Variants in EXTL3 observed in about 807,000 individuals in gnomAD.
EXTL3 encodes the protein exostosin-like 3.
In EXTL3, 27 loss-of-function variants were observed where a neutral mutation model predicts 69.3. The observed-to-expected ratio is 0.39, with a 90% CI of 0.29 to 0.54. The LOEUF is 0.54. Among genes scored for constraint, EXTL3 ranks in the 20% least tolerant of loss-of-function variants. The pLI, the probability that EXTL3 is intolerant of heterozygous loss-of-function variation, is 0.69. For synonymous variants in EXTL3, 511 were observed against 499.4 expected, an observed-to-expected ratio of 1.02 and a Z score of -0.31; for missense variants, 1,003 against 1,231.8, an observed-to-expected ratio of 0.81 and a Z score of 2.78.
At chr8:28,609,920 C>G (rs1388102800) in intron 2 of EXTL3, among the ~76,000 whole-genome samples, 1 of 145,032 alleles carries the variant, frequency 6.9e-6, no homozygotes, top group South Asian at 2.1e-4. Context: ...AAAAAAAAAG[C>G]CAGATGCAGT....
At chr8:28,700,259 G>C (rs1048035543), upstream of EXTL3, 2 of 152,324 alleles carry the variant, frequency 1.3e-5, no homozygotes, top group Non-Finnish European at 2.9e-5. Context: ...AAGTGAATAG[G>C]AGACGGGAGA....
At chr8:28,684,249 C>T (rs972395614) in intron 1 of EXTL3, among the ~76,000 whole-genome samples, 1 of 152,158 alleles carries the variant, frequency 6.6e-6, no homozygotes, top group African/African-American at 2.4e-5. Context: ...GGGAGTGCAG[C>T]TACCTTTTTG....
chr8:28,698,671 A>C (rs240939), upstream of EXTL3, among the ~76,000 whole-genome samples: 43,253 of 152,008 alleles, frequency 0.28, 6,154 homozygotes, highest in Middle Eastern at 0.33. Flanking sequence ...AACATGGTTG[A>C]AACCCCGTCT....
chr8:28,748,955 G>C (rs1801947368), intron 6 of EXTL3, among the ~76,000 whole-genome samples: 1 of 152,050 alleles, frequency 6.6e-6, no homozygotes, highest in Admixed American at 6.5e-5. Context: ...AAACAAAAAA[G>C]AAAACTAGAC....
At chr8:28,701,427 G>GCGCGCCCGCGTC (rs1554482038), upstream of EXTL3, 9 of 151,830 alleles carry the variant, frequency 5.9e-5, no homozygotes, top group Non-Finnish European at 1.2e-4. Flanking sequence ...AGTGGCGAGC[G>GCGCGCCCGCGTC]CGCGCCCGCG....
chr8:28,609,260 T>G (rs1336849974), intron 2 of EXTL3, among the ~76,000 whole-genome samples: 4 of 152,040 alleles, frequency 2.6e-5, no homozygotes, highest in African/African-American at 9.7e-5. Flanking sequence ...TGGATTTTTT[T>G]CTAAGTGCTG....
At position 28,736,609 on chromosome 8, in the gene EXTL3, C is replaced by G. The variant is rs374341150; in HGVS notation, c.2277-910C>G. Among the ~76,000 whole-genome samples the G allele has an allele frequency of 5.8e-4, 89 of 152,344 alleles. No individual in the cohort carries two copies. In the East Asian group the frequency reaches 0.012, roughly 20 times the overall value. On this transcript the variant is annotated intron_variant, in intron 4 of 6. Transcript: ENST00000220562. ...CTTCTCATCATACATGTTTCTCCGT[C>G]AGCCCTGCTCAAATTTGGAATTAGG... is the stretch of plus-strand genomic sequence containing the variant.
upstream of EXTL3, chr8:28,700,312 T>A (rs1029451686): frequency 6.6e-6 from 1 of 152,226 alleles, no homozygotes; most frequent in Non-Finnish European, 1.5e-5. Context: ...GAGTCGGGAC[T>A]AGTTTGGGGG....
intron 2 of EXTL3, among the ~76,000 whole-genome samples, chr8:28,614,510 G>A (rs1806308650): frequency 6.6e-6 from 1 of 151,976 alleles, no homozygotes; most frequent in South Asian, 2.1e-4. Flanking sequence ...TTGGGCTCAA[G>A]CGATCCACCC....
intron 1 of EXTL3, chr8:28,710,636 A>G: frequency 2.9e-6 from 1 of 343,950 alleles, no homozygotes; most frequent in South Asian, 2.2e-5. Flanking sequence ...TTTTTGAGGC[A>G]AGGTCTTGCT....
At chr8:28,625,599 A>G (rs1428480547) in intron 1 of EXTL3, among the ~76,000 whole-genome samples, 2 of 152,204 alleles carry the variant, frequency 1.3e-5, no homozygotes, top group East Asian at 3.8e-4. Context: ...ATTCCTATTC[A>G]TGTATTTGTT....
chr8:28,667,718 G>T (rs1190969195), intron 1 of EXTL3, among the ~76,000 whole-genome samples: 3 of 141,648 alleles, frequency 2.1e-5, no homozygotes, highest in Non-Finnish European at 4.6e-5. Context: ...CCCTTGGTGT[G>T]GGGGGAGGGG....
chr8:28,673,793 G>A (rs1807337222), intron 1 of EXTL3, among the ~76,000 whole-genome samples: 1 of 152,088 alleles, frequency 6.6e-6, no homozygotes, highest in African/African-American at 2.4e-5. Flanking sequence ...TTCTTGTTCT[G>A]TTTCTCTGGA....
chr8:28,707,032 T>C (rs886539402), intron 1 of EXTL3, among the ~76,000 whole-genome samples: 30 of 152,354 alleles, frequency 2.0e-4, no homozygotes, highest in African/African-American at 5.8e-4. Context: ...CTGGAACTTA[T>C]TTTTGGATTT....
rs1467628189 is a variant in EXTL3 at position 28,710,731 on chromosome 8, G to A, written c.-569-2726G>A. 8.1e-5 allele frequency among the ~76,000 whole-genome samples: 11 copies of A among 135,158 alleles called. No individual in the cohort carries two copies. The East Asian group carries it at 2.4e-3, about 30-fold the overall frequency. The allele number at this position is 135,158 out of a possible 152,430, so 88.7% of individuals were successfully genotyped here. On this transcript the variant is annotated intron_variant, in intron 1 of 6. Coordinates refer to ENST00000220562, the MANE Select transcript of EXTL3 (RefSeq NM_001440.4). ...GGCTAATTTAAATTTTTTTTTTTTT[G>A]GTAGAGATGGGGTCTCACTGTGTTG...
chr8:28,650,635 G>A (rs938900297), intron 1 of EXTL3, among the ~76,000 whole-genome samples: 1 of 152,072 alleles, frequency 6.6e-6, no homozygotes, highest in Non-Finnish European at 1.5e-5. Flanking sequence ...GGGATTACAG[G>A]CATGAGCCAC....
chr8:28,611,023 G>A (rs1328170944), intron 2 of EXTL3, among the ~76,000 whole-genome samples: 1 of 152,152 alleles, frequency 6.6e-6, no homozygotes, highest in Non-Finnish European at 1.5e-5. Flanking sequence ...GATTACAGGC[G>A]TCAGCCACTG....
Position 28,751,122 on chromosome 8 carries a change from G to T in EXTL3, c.*256G>T. 1 of 532,392 alleles carries T rather than the reference G, an allele frequency of 1.9e-6. No homozygotes were observed. Among genetic ancestry groups the T allele is most frequent in the Non-Finnish European group, 3.4e-6 (1 of 293,982 alleles). 33.0% of individuals were successfully genotyped at this position (532,392 alleles called of 1,614,324 possible). ...GATAGCTTACACTGAGGACTGTGGC[G>T]ACTCTGCAGAGTCACTCACACCGTT... On this transcript the variant is annotated 3_prime_UTR_variant, in exon 7 of 7. Coordinates refer to ENST00000220562, the MANE Select transcript of EXTL3 (RefSeq NM_001440.4).
At chr8:28,618,454 C>T (rs1433771651), upstream of EXTL3, among the ~76,000 whole-genome samples, 1 of 152,098 alleles carries the variant, frequency 6.6e-6, no homozygotes, top group Non-Finnish European at 1.5e-5. Flanking sequence ...AAACTAAGCT[C>T]GTTGGGAAAT....
Sources: gnomAD v4.1 joint callset for allele counts (sites outside exome capture counted in the v4.1 genomes callset) on GRCh38, gnomAD v4.1.1 for gene constraint, MANE v1.5 for transcripts, NCBI Gene and HGNC (gene_info 2026-07-23, HGNC 2026-07-21) for gene names.